LAMA2: variants seen among roughly 807,000 people sequenced by gnomAD.
LAMA2 encodes the protein laminin subunit alpha 2.
In LAMA2, 269 loss-of-function variants were observed where a neutral mutation model predicts 364.8. The ratio of observed to expected loss-of-function variants is 0.74; its 90% confidence interval spans 0.67 to 0.82. The LOEUF (loss-of-function observed/expected upper bound fraction) is 0.82. LAMA2 is among the 40% of genes least tolerant of loss of function. The pLI is 0.00. For missense variants in LAMA2, 3,807 were observed against 3,873.2 expected (o/e 0.98, Z 0.45); for synonymous variants, 1,379 against 1,370.6 (o/e 1.01, Z -0.14).
At chr6:128,992,298 C>G (rs1284077292) in intron 1 of LAMA2, among the ~76,000 whole-genome samples, 2 of 152,142 alleles carry the variant, frequency 1.3e-5, no homozygotes, top group Admixed American at 6.6e-5. Flanking sequence ...ATAATAAAAA[C>G]CTTATTTCAT....
At chr6:129,132,312 G>T (rs1208993629) in intron 4 of LAMA2, among the ~76,000 whole-genome samples, 1 of 151,862 alleles carries the variant, frequency 6.6e-6, no homozygotes, top group Non-Finnish European at 1.5e-5. Flanking sequence ...GACTACAGGC[G>T]CCCGCCACCA....
At chr6:129,137,672 T>G (rs1049600798) in intron 4 of LAMA2, among the ~76,000 whole-genome samples, 1 of 152,082 alleles carries the variant, frequency 6.6e-6, no homozygotes. Context: ...ATACATGCAA[T>G]GCACAAATTG....
chr6:129,333,245 A>C (rs537827610), intron 29 of LAMA2, among the ~76,000 whole-genome samples: 140 of 152,306 alleles, frequency 9.2e-4, no homozygotes, highest in Non-Finnish European at 1.2e-4. Context: ...GTCAAAAGCT[A>C]TATCTGTTAT....
intron 4 of LAMA2, among the ~76,000 whole-genome samples, chr6:129,123,421 T>C (rs72990911): frequency 0.014 from 2,078 of 152,086 alleles, 29 homozygotes; most frequent in South Asian, 0.03. Flanking sequence ...CTCAAAGAGA[T>C]ATCTGCATTT....
At chr6:128,901,349 C>A (rs886500193) in intron 1 of LAMA2, among the ~76,000 whole-genome samples, 4 of 152,054 alleles carry the variant, frequency 2.6e-5, no homozygotes, top group Admixed American at 2.6e-4. Flanking sequence ...AATATAGAAC[C>A]AAAATGCATG....
intron 2 of LAMA2, among the ~76,000 whole-genome samples, chr6:129,055,191 A>G (rs936333347): frequency 9.1e-5 from 13 of 143,250 alleles, no homozygotes; most frequent in Non-Finnish European, 1.8e-4. Context: ...TATTATTATT[A>G]TTATTATTAT....
intron 40 of LAMA2, among the ~76,000 whole-genome samples, chr6:129,419,926 G>A (rs1172173495): frequency 1.3e-5 from 2 of 151,960 alleles, no homozygotes; most frequent in Admixed American, 1.3e-4. Flanking sequence ...AAAATGTACA[G>A]TACTATATAA....
intron 1 of LAMA2, among the ~76,000 whole-genome samples, chr6:128,976,281 C>G (rs968179433): frequency 2.0e-5 from 3 of 152,250 alleles, no homozygotes; most frequent in Non-Finnish European, 4.4e-5. Context: ...GGAGAGGAAA[C>G]AAGAATCCCC....
intron 1 of LAMA2, among the ~76,000 whole-genome samples, chr6:129,033,833 C>A (rs964581199): frequency 6.6e-6 from 1 of 151,702 alleles, no homozygotes; most frequent in African/African-American, 2.4e-5. Flanking sequence ...ACTGCCACCC[C>A]CTCTATGAAT....
At chr6:129,256,154 G>T (rs1451313744) in intron 14 of LAMA2, among the ~76,000 whole-genome samples, 2 of 152,154 alleles carry the variant, frequency 1.3e-5, no homozygotes, top group African/African-American at 4.8e-5. Flanking sequence ...CATATGTTGG[G>T]AGGCAATGCA....
chr6:129,208,294 T>A (rs1782816114), intron 12 of LAMA2, among the ~76,000 whole-genome samples: 1 of 152,218 alleles, frequency 6.6e-6, no homozygotes, highest in Non-Finnish European at 1.5e-5. Context: ...TACTTTATAG[T>A]GTTATTTTGA....
At chr6:129,174,756 A>G (rs992300855) in intron 9 of LAMA2, among the ~76,000 whole-genome samples, 3 of 152,138 alleles carry the variant, frequency 2.0e-5, no homozygotes, top group African/African-American at 7.2e-5. Context: ...GTAGTTTCTC[A>G]TCTCCAAGGG....
intron 15 of LAMA2, among the ~76,000 whole-genome samples, chr6:129,263,489 C>A (rs911026835): frequency 6.6e-6 from 1 of 151,940 alleles, no homozygotes; most frequent in African/African-American, 2.4e-5. Context: ...AGAGGGACAA[C>A]GATGTAAAAC....
chr6:129,409,554 G>T (rs963702745), intron 40 of LAMA2, among the ~76,000 whole-genome samples: 5 of 152,196 alleles, frequency 3.3e-5, no homozygotes, highest in African/African-American at 1.2e-4. Context: ...ATGGTGACTT[G>T]ATGACCTACA....
chr6:129,054,939 A>C (rs1435898597), intron 2 of LAMA2, among the ~76,000 whole-genome samples: 4 of 150,274 alleles, frequency 2.7e-5, no homozygotes, highest in African/African-American at 9.7e-5. Flanking sequence ...GATTGAGTCC[A>C]AAAGCTATTC....
intron 8 of LAMA2, among the ~76,000 whole-genome samples, chr6:129,155,293 C>A (rs975761299): frequency 2.0e-5 from 3 of 152,026 alleles, no homozygotes; most frequent in African/African-American, 7.2e-5. Flanking sequence ...AGATGCTTAA[C>A]TTTATAAGAA....
rs1478569979 is a variant in LAMA2, at chr6:129,050,099, T to C, written c.283+11T>C. 1 of 1,614,066 alleles carries C rather than the reference T, an allele frequency of 6.2e-7. No homozygotes were observed. The highest frequency in any genetic ancestry group is 2.2e-5 in the East Asian group (1 of 44,874). On this transcript the variant is annotated intron_variant, in intron 2 of 64. Transcript: ENST00000421865. Reference sequence around the variant, plus strand: ...GCAGCAATCCAAACCGTATGTATTTTAGTGTGTAGGTGTGTGGCGCTGGGT... The same window carrying C: ...GCAGCAATCCAAACCGTATGTATTTCAGTGTGTAGGTGTGTGGCGCTGGGT...
chr6:129,220,978 G>A (rs1054918651), intron 12 of LAMA2, among the ~76,000 whole-genome samples: 14 of 152,038 alleles, frequency 9.2e-5, no homozygotes, highest in African/African-American at 3.1e-4. Flanking sequence ...CCTTGCCAAC[G>A]CGGTGAAACC....
At chr6:129,441,291 C>T (rs769045194) in intron 43 of LAMA2, among the ~76,000 whole-genome samples, 1 of 152,042 alleles carries the variant, frequency 6.6e-6, no homozygotes, top group African/African-American at 2.4e-5. Flanking sequence ...CTTTTTAATC[C>T]GTGTGTGTAA....
Sources: gnomAD v4.1 joint callset for allele counts (sites outside exome capture counted in the v4.1 genomes callset) on GRCh38, gnomAD v4.1.1 for gene constraint, MANE v1.5 for transcripts, NCBI Gene and HGNC (gene_info 2026-07-23, HGNC 2026-07-21) for gene names.